Variants in FGFR2 observed in about 807,000 individuals in gnomAD.
FGFR2 encodes fibroblast growth factor receptor 2.
A neutral mutation model predicts 95.9 loss-of-function variants in FGFR2; 19 were observed. That is an observed-to-expected ratio of 0.20 (90% CI 0.14 to 0.29). The LOEUF (loss-of-function observed/expected upper bound fraction) is 0.29, where lower values mean the gene tolerates loss of function less well. Ranked by LOEUF, FGFR2 falls within the 10% of genes least tolerant of loss-of-function variation. The pLI is 1.00. For missense variants in FGFR2, 707 were observed against 1,056.9 expected (o/e 0.67, Z 4.59); for synonymous variants, 392 against 393.3 (o/e 1.00, Z 0.04).
intron 3 of FGFR2, 143 bp from the exon 4 acceptor site, chr10:121,564,722 T>C (rs1366987373): frequency 5.5e-6 from 4 of 733,354 alleles, no homozygotes; most frequent in Non-Finnish European, 9.6e-6. Flanking sequence ...TCAGTTAAGA[T>C]AGTTTTAATG....
Position 121,479,627 on chromosome 10 carries a change from G to C in FGFR2, c.*230C>G, listed in dbSNP as rs1289382590. 6.4e-7 allele frequency: 1 copy of C among 1,551,630 alleles called. No homozygotes were observed. The highest frequency in any genetic ancestry group is 1.4e-5 in the African/African-American group (1 of 73,060). Reference sequence around the variant, plus strand: ...GCACGGCAGGTGAGAGGGGTTACATGGTGGCTTGTGGCAGTCCACTGCTCC... The same window carrying C: ...GCACGGCAGGTGAGAGGGGTTACATCGTGGCTTGTGGCAGTCCACTGCTCC... On this transcript the variant is annotated 3_prime_UTR_variant, in exon 18 of 18. Transcript: ENST00000358487.
At chr10:121,509,501 TTTTTTTTTG>T (rs1263507346) in intron 9 of FGFR2, among the ~76,000 whole-genome samples, 38 of 117,726 alleles carry the variant, frequency 3.2e-4, no homozygotes, top group East Asian at 6.6e-4. Context: ...TTTTTTTTTT[TTTTTTTTTG>T]GTTTGAGACA....
At chr10:121,538,805 G>A (rs2134614165) in intron 5 of FGFR2, 90 bp from the exon 6 acceptor site, 1 of 1,567,256 alleles carries the variant, frequency 6.4e-7, no homozygotes, top group Non-Finnish European at 8.8e-7. Flanking sequence ...GAAGCTGAAG[G>A]AGGCAAGAAA....
At chr10:121,591,417 C>G (rs1862630202) in intron 2 of FGFR2, among the ~76,000 whole-genome samples, 1 of 152,254 alleles carries the variant, frequency 6.6e-6, no homozygotes, top group Admixed American at 6.5e-5. Flanking sequence ...GCACCCGGTG[C>G]TTACTGGATG....
rs57061338 is a variant in FGFR2, at chr10:121,548,245, C to CTTTTTTTTTTTTTTTTTTTTTTTTT, written c.624+3020_624+3044dup. Among the ~76,000 whole-genome samples the CTTTTTTTTTTTTTTTTTTTTTTTTT allele has an allele frequency of 1.5e-4, 7 of 46,700 alleles. 1 individual carries two copies. Among genetic ancestry groups the CTTTTTTTTTTTTTTTTTTTTTTTTT allele is most frequent in the East Asian group, 2.1e-3 (2 of 934 alleles). 30.6% of individuals were successfully genotyped at this position (46,700 alleles called of 152,430 possible). A position where few individuals can be genotyped will look rare whatever the true frequency, so the allele number is the denominator to read the frequency against. On this transcript the variant is annotated intron_variant, in intron 5 of 17. Transcript: ENST00000358487. The stretch of plus-strand genomic sequence containing the variant: ...TGTGTGGCCCTCTGCCGCTTTTGGC[C>CTTTTTTTTTTTTTTTTTTTTTTTTT]TTTTTTTTTTTTTTTTTTTTTTTTT...
chr10:121,572,370 C>G (rs1858943147), intron 2 of FGFR2, among the ~76,000 whole-genome samples: 1 of 152,096 alleles, frequency 6.6e-6, no homozygotes. Context: ...CCTGTAATTT[C>G]AGCACTTTGG....
chr10:121,546,677 C>T (rs887819182), intron 5 of FGFR2, among the ~76,000 whole-genome samples: 13 of 152,018 alleles, frequency 8.6e-5, no homozygotes, highest in Non-Finnish European at 7.3e-5. Flanking sequence ...CTTTATAGGC[C>T]GCACATGCAT....
At chr10:121,572,158 G>GAAAAAAAAA (rs71022844) in intron 2 of FGFR2, among the ~76,000 whole-genome samples, 1 of 105,844 alleles carries the variant, frequency 9.4e-6, no homozygotes, top group Non-Finnish European at 1.9e-5. Context: ...CACAAAAAAT[G>GAAAAAAAAA]AAAAAAAAAA....
chr10:121,558,584 C>T (rs1483230490), intron 4 of FGFR2, among the ~76,000 whole-genome samples: 1 of 151,392 alleles, frequency 6.6e-6, no homozygotes, highest in African/African-American at 2.4e-5. Flanking sequence ...GCATGTACAA[C>T]ATGATGTTAA....
chr10:121,483,931 G>C, intron 16 of FGFR2, 128 bp from the exon 17 acceptor site: 1 of 704,426 alleles, frequency 1.4e-6, no homozygotes, highest in South Asian at 1.6e-5. Flanking sequence ...CAAGCAACTA[G>C]ATTAGGGGGT....
intron 5 of FGFR2, among the ~76,000 whole-genome samples, chr10:121,545,968 C>T (rs1854445325): frequency 6.6e-6 from 1 of 152,102 alleles, no homozygotes; most frequent in Non-Finnish European, 1.5e-5. Context: ...TGAATGAGCC[C>T]TCTGTCCTGC....
intron 4 of FGFR2, among the ~76,000 whole-genome samples, chr10:121,563,171 C>T (rs1267006452): frequency 1.3e-5 from 2 of 152,084 alleles, no homozygotes; most frequent in East Asian, 1.9e-4. Flanking sequence ...GTCAAGAGTT[C>T]GAGACCAGCC....
intron 9 of FGFR2, among the ~76,000 whole-genome samples, chr10:121,504,791 T>C (rs1407563600): frequency 6.6e-6 from 1 of 150,776 alleles, no homozygotes; most frequent in Non-Finnish European, 1.5e-5. Flanking sequence ...AAAATGATTA[T>C]TTCTTAAATA....
intron 5 of FGFR2, among the ~76,000 whole-genome samples, chr10:121,538,927 T>C (rs1240197598): frequency 6.6e-6 from 1 of 152,204 alleles, no homozygotes. Flanking sequence ...TATTGACATA[T>C]TCAGATCTGC....
At chr10:121,489,577 A>ACCTC (rs1328993045) in intron 13 of FGFR2, among the ~76,000 whole-genome samples, 1 of 151,600 alleles carries the variant, frequency 6.6e-6, no homozygotes, top group Non-Finnish European at 1.5e-5. Context: ...CTCCATCATG[A>ACCTC]CCTCCCTCCT....
intron 13 of FGFR2, among the ~76,000 whole-genome samples, chr10:121,489,315 C>T (rs912274470): frequency 3.3e-5 from 5 of 152,018 alleles, no homozygotes; most frequent in African/African-American, 9.7e-5. Flanking sequence ...CTCAGGTGAG[C>T]CATCCGCCTC....
chr10:121,479,739 T>C lies in FGFR2; in HGVS notation c.*118A>G. 1.2e-6 allele frequency: 2 copies of C among 1,611,934 alleles called. No individual in the cohort carries two copies. The highest frequency in any genetic ancestry group is 1.3e-5 in the African/African-American group (1 of 75,000). On this transcript the variant is annotated 3_prime_UTR_variant, in exon 18 of 18. Coordinates refer to ENST00000358487, the MANE Select transcript of FGFR2 (RefSeq NM_000141.5). Reference sequence around the variant, plus strand: ...TATGCTGATTACTTTTCCAATTATTTACTCCTCTGATCCATATATACAAGT... The same window carrying C: ...TATGCTGATTACTTTTCCAATTATTCACTCCTCTGATCCATATATACAAGT...
chr10:121,482,080 GC>G (rs1278459694), intron 17 of FGFR2: 14 of 1,068,434 alleles, frequency 1.3e-5, no homozygotes, highest in Non-Finnish European at 1.6e-5. Context: ...CTCATGATCC[GC>G]CTGCCTCGGC....
At chr10:121,497,242 A>G (rs1248896432) in intron 12 of FGFR2, among the ~76,000 whole-genome samples, 2 of 152,182 alleles carry the variant, frequency 1.3e-5, no homozygotes, top group African/African-American at 2.4e-5. Context: ...GCCCTTGGTC[A>G]TGATAGCCTC....
Sources: gnomAD v4.1 joint callset for allele counts (sites outside exome capture counted in the v4.1 genomes callset) on GRCh38, gnomAD v4.1.1 for gene constraint, MANE v1.5 for transcripts, NCBI Gene and HGNC (gene_info 2026-07-23, HGNC 2026-07-21) for gene names.